The following PTPRB variants were observed in gnomAD, a reference collection of about 807,000 sequenced individuals.
The protein encoded by PTPRB is protein tyrosine phosphatase receptor type B, also known as receptor-type tyrosine-protein phosphatase beta.
In PTPRB, 97 loss-of-function variants were observed where a neutral mutation model predicts 238.1. The ratio of observed to expected loss-of-function variants is 0.41; its 90% CI spans 0.35 to 0.48. The LOEUF (loss-of-function observed/expected upper bound fraction) is 0.48, where lower values mean the gene tolerates loss of function less well. PTPRB is among the 20% of genes least tolerant of loss of function. PTPRB has a pLI of 0.30. For synonymous variants in PTPRB, 970 were observed against 995.4 expected, an observed-to-expected ratio of 0.97 and a Z score of 0.48; for missense variants, 2,292 against 2,681.9, an observed-to-expected ratio of 0.85 and a Z score of 3.21.
chr12:70,537,184 G>A (rs1250679102), intron 28 of PTPRB, among the ~76,000 whole-genome samples: 2 of 151,732 alleles, frequency 1.3e-5, no homozygotes, highest in Non-Finnish European at 2.9e-5. Context: ...CTACTCGGGC[G>A]GCTGAGGCAG....
At chr12:70,611,413 C>T (rs945747233) in intron 3 of PTPRB, among the ~76,000 whole-genome samples, 1 of 152,116 alleles carries the variant, frequency 6.6e-6, no homozygotes, top group African/African-American at 2.4e-5. Flanking sequence ...CTCAGCCTTC[C>T]GTGTAGCTGG....
chr12:70,534,837 C>T lies in PTPRB; in HGVS notation c.6200G>A (p.Cys2067Tyr). Residue 2067 changes from cysteine to tyrosine, a missense_variant, in exon 30 of 34, where the codon TGC (cysteine) becomes TAC (tyrosine). Coordinates refer to ENST00000334414, the MANE Select transcript of PTPRB (RefSeq NM_001109754.4). ...AAGTCAAGCAAGCTAACATACACCG[C>T]ATATCTTAAACTCCCGGATGGTCCA... is the stretch of plus-strand genomic sequence containing the variant. ...PEWTIREFKI[C>Y]GEEQLDAHRL... The T allele has an allele frequency of 6.2e-7, 1 of 1,613,816 alleles. No individual in the cohort carries two copies. The highest frequency in any genetic ancestry group is 2.2e-5 in the East Asian group (1 of 44,878).
In PTPRB at chr12:70,545,335, G is replaced by A. The variant is rs940362248; in HGVS notation, c.5388-672C>T. Among the ~76,000 whole-genome samples the A allele has an allele frequency of 3.9e-5, 6 of 152,174 alleles. No homozygotes were observed. The South Asian group carries it at 6.2e-4, about 16-fold the overall frequency. ...AAGTGGCCCAAATATCAATATTATT[G>A]TTGTTGTTATTTTAACTTACATATC... On this transcript the variant is annotated intron_variant, in intron 21 of 33. Transcript: ENST00000334414.
intron 2 of PTPRB, among the ~76,000 whole-genome samples, chr12:70,624,755 G>T (rs539966245): frequency 2.2e-4 from 34 of 152,180 alleles, no homozygotes; most frequent in South Asian, 1.2e-3. Context: ...GTGGGGTTAG[G>T]ACAAAAACAA....
chr12:70,609,904 G>C, intron 3 of PTPRB: 2 of 1,237,646 alleles, frequency 1.6e-6, no homozygotes, highest in South Asian at 1.8e-5. Flanking sequence ...TGTTGCGCGC[G>C]CTCAGCGCGC....
At chr12:70,547,213 T>G (rs1053655230) in intron 21 of PTPRB, among the ~76,000 whole-genome samples, 1 of 152,250 alleles carries the variant, frequency 6.6e-6, no homozygotes, top group Admixed American at 6.5e-5. Flanking sequence ...CATCTATAAC[T>G]TCCATCTCCA....
At chr12:70,522,008 C>T (rs1318265465) in intron 33 of PTPRB, among the ~76,000 whole-genome samples, 1 of 152,200 alleles carries the variant, frequency 6.6e-6, no homozygotes, top group Non-Finnish European at 1.5e-5. Flanking sequence ...CCTTAATTTA[C>T]TATACAGATC....
chr12:70,537,158 G>C lies in PTPRB; in HGVS notation c.5946+997C>G, dbSNP rs640609. Among the ~76,000 whole-genome samples, 1,104 of 152,002 alleles carry C rather than the reference G, an allele frequency of 7.3e-3. 13 individuals carry two copies. Among genetic ancestry groups the C allele is most frequent in the African/African-American group, 0.025 (1,041 of 41,460 alleles). On this transcript the variant is annotated intron_variant, in intron 28 of 33. Transcript: ENST00000334414. ...AAATATTAGCCAGGCGTGGTGGCAG[G>C]TGCCTGTAGTCTCAGCTACTCGGGC...
chr12:70,527,280 C>T (rs1872576961), intron 32 of PTPRB, among the ~76,000 whole-genome samples: 1 of 152,134 alleles, frequency 6.6e-6, no homozygotes, highest in Non-Finnish European at 1.5e-5. Flanking sequence ...CCATTAGGCT[C>T]ACTTTGAGGG....
At chr12:70,527,952 T>C (rs1401691923) in intron 32 of PTPRB, among the ~76,000 whole-genome samples, 1 of 152,208 alleles carries the variant, frequency 6.6e-6, no homozygotes, top group Non-Finnish European at 1.5e-5. Context: ...GCAAGGCAGA[T>C]GATACTAGGT....
At chr12:70,594,849 T>C in intron 5 of PTPRB, 125 bp from the exon 6 acceptor site, 4 of 1,214,690 alleles carry the variant, frequency 3.3e-6, no homozygotes, top group Non-Finnish European at 3.4e-6. Context: ...ATAATAGCAT[T>C]AGTAAATAAC....
intron 13 of PTPRB, chr12:70,570,824 A>G (rs979581709): frequency 3.1e-6 from 2 of 643,812 alleles, no homozygotes; most frequent in African/African-American, 3.7e-5. Flanking sequence ...AGCACCCTCC[A>G]ACCCCGCCAC....
intron 32 of PTPRB, among the ~76,000 whole-genome samples, chr12:70,531,175 G>A (rs1873177641): frequency 1.3e-5 from 2 of 152,188 alleles, no homozygotes; most frequent in African/African-American, 4.8e-5. Context: ...GTTCAATAAA[G>A]CTCAAAGGGG....
At chr12:70,605,776 A>C (rs1184616433) in intron 4 of PTPRB, among the ~76,000 whole-genome samples, 1 of 152,180 alleles carries the variant, frequency 6.6e-6, no homozygotes, top group Non-Finnish European at 1.5e-5. Flanking sequence ...TGTTTTCACA[A>C]ACACTACATG....
chr12:70,535,950 A>G (rs562645349), intron 29 of PTPRB, 75 bp downstream of exon 29: 2 of 1,580,952 alleles, frequency 1.3e-6, no homozygotes, highest in South Asian at 2.3e-5. Flanking sequence ...GCGGGGTTTC[A>G]CTTTGATGAT....
At position 70,533,542 on chromosome 12, in the gene PTPRB, A is replaced by AAGAG. The variant is rs541445309; in HGVS notation, c.6368+942_6368+945dup. On this transcript the variant is annotated intron_variant, in intron 31 of 33. Transcript: ENST00000334414. The stretch of plus-strand genomic sequence containing the variant: ...GGACAGACTGAAGCAAAGAGAAATC[A>AAGAG]AGAGAACAAATTTAAGAGAAAAAAT... 7.9e-5 allele frequency among the ~76,000 whole-genome samples: 12 copies of AAGAG among 152,356 alleles called. No homozygotes were observed. The East Asian group carries it at 2.1e-3, about 27-fold the overall frequency.
chr12:70,570,635 T>C (rs1879922231), intron 13 of PTPRB, among the ~76,000 whole-genome samples: 1 of 152,172 alleles, frequency 6.6e-6, no homozygotes, highest in African/African-American at 2.4e-5. Flanking sequence ...GAACAAGATG[T>C]AGACATAAAA....
At chr12:70,527,943 C>G (rs1057077762) in intron 32 of PTPRB, among the ~76,000 whole-genome samples, 4 of 152,142 alleles carry the variant, frequency 2.6e-5, no homozygotes, top group Admixed American at 2.6e-4. Context: ...AGGCTTAAAG[C>G]AAGGCAGATG....
intron 4 of PTPRB, among the ~76,000 whole-genome samples, chr12:70,604,955 G>A (rs1184423084): frequency 6.6e-6 from 1 of 152,176 alleles, no homozygotes; most frequent in East Asian, 1.9e-4. Flanking sequence ...GCCACCTAGA[G>A]TCAGGGGTAT....
Sources: gnomAD v4.1 joint callset for allele counts (sites outside exome capture counted in the v4.1 genomes callset) on GRCh38, gnomAD v4.1.1 for gene constraint, MANE v1.5 for transcripts, NCBI Gene and HGNC (gene_info 2026-07-23, HGNC 2026-07-21) for gene names.